TTC27: variants seen among roughly 807,000 people sequenced by gnomAD.
TTC27 encodes tetratricopeptide repeat protein 27.
A neutral mutation model predicts 115.9 loss-of-function variants in TTC27; 79 were observed. The ratio of observed to expected loss-of-function variants is 0.68; its 90% CI spans 0.57 to 0.82. The LOEUF (loss-of-function observed/expected upper bound fraction) is 0.82. TTC27 is among the 40% of genes least tolerant of loss of function. The pLI is 0.00. For missense variants in TTC27, 1,054 were observed against 993.1 expected (o/e 1.06, Z -0.82); for synonymous variants, 401 against 356.0 (o/e 1.13, Z -1.42).
intron 13 of TTC27, among the ~76,000 whole-genome samples, chr2:32,765,520 G>A (rs957709077): frequency 1.3e-5 from 2 of 152,168 alleles, no homozygotes; most frequent in Non-Finnish European, 2.9e-5. Context: ...GGATTTTCGG[G>A]TGGTGAATGA....
chr2:32,684,163 G>GA (rs562783948), intron 9 of TTC27, among the ~76,000 whole-genome samples: 1 of 151,992 alleles, frequency 6.6e-6, no homozygotes, highest in Non-Finnish European at 1.5e-5. Flanking sequence ...GACTCGGGGG[G>GA]AAAAAAGTTT....
At chr2:32,788,465 C>T (rs1384452590) in intron 16 of TTC27, among the ~76,000 whole-genome samples, 2 of 152,190 alleles carry the variant, frequency 1.3e-5, no homozygotes, top group Non-Finnish European at 2.9e-5. Flanking sequence ...GTCTGCTTTT[C>T]TATCCTCTTG....
chr2:32,815,050 C>T (rs1671452710), intron 18 of TTC27, among the ~76,000 whole-genome samples: 2 of 152,006 alleles, frequency 1.3e-5, no homozygotes, highest in Admixed American at 1.3e-4. Context: ...ACAATGTCAT[C>T]ATTGTGTGCT....
chr2:32,671,002 C>G (rs1185212426), intron 7 of TTC27, among the ~76,000 whole-genome samples: 1 of 152,144 alleles, frequency 6.6e-6, no homozygotes, highest in Non-Finnish European at 1.5e-5. Context: ...AGTCCCTTTT[C>G]AGATATATGT....
rs760714545 is a variant in TTC27 at position 32,810,983 on chromosome 2, G to A, written c.1999-41G>A. ...TAGCTCTTTGTTTTTGTTATTGTTT[G>A]TTGGTTTCTAACTTACCAGTTTGTT... On this transcript the variant is annotated intron_variant, in intron 16 of 19. Coordinates refer to ENST00000317907, the MANE Select transcript of TTC27 (RefSeq NM_017735.5). The A allele has an allele frequency of 3.8e-6, 6 of 1,597,524 alleles. No homozygotes were observed. In the Admixed American group the frequency reaches 1.0e-4, roughly 27 times the overall value.
intron 8 of TTC27, among the ~76,000 whole-genome samples, chr2:32,676,110 T>G (rs1418159087): frequency 1.3e-5 from 2 of 152,032 alleles, no homozygotes; most frequent in African/African-American, 2.4e-5. Context: ...TGAATTCTTA[T>G]ACATTGTAGA....
chr2:32,658,923 A>T (rs1284784802), intron 5 of TTC27, among the ~76,000 whole-genome samples: 1 of 152,102 alleles, frequency 6.6e-6, no homozygotes, highest in Non-Finnish European at 1.5e-5. Flanking sequence ...TCCTTATTTG[A>T]TGTTCATATT....
chr2:32,739,443 A>T (rs1199652374), intron 12 of TTC27, among the ~76,000 whole-genome samples: 5 of 152,272 alleles, frequency 3.3e-5, no homozygotes, highest in East Asian at 3.9e-4. Context: ...CAGAGAAGGG[A>T]TTTGACTGTC....
intron 13 of TTC27, among the ~76,000 whole-genome samples, chr2:32,767,850 C>G (rs924917748): frequency 6.6e-6 from 1 of 152,092 alleles, no homozygotes; most frequent in Non-Finnish European, 1.5e-5. Flanking sequence ...CATCAGTATA[C>G]TTCAAAATAA....
At chr2:32,778,420 A>G (rs1670069455) in intron 14 of TTC27, among the ~76,000 whole-genome samples, 1 of 152,188 alleles carries the variant, frequency 6.6e-6, no homozygotes, top group Admixed American at 6.5e-5. Flanking sequence ...GCAACCGTCC[A>G]CTACAATTAG....
chr2:32,798,711 A>AAAAAAAT (rs1258273135), intron 16 of TTC27, among the ~76,000 whole-genome samples: 1 of 129,084 alleles, frequency 7.7e-6, no homozygotes, highest in African/African-American at 2.9e-5. Context: ...GCTCAAAAAA[A>AAAAAAAT]AAAATAATAA....
intron 16 of TTC27, among the ~76,000 whole-genome samples, chr2:32,805,116 C>G (rs542276891): frequency 6.6e-6 from 1 of 152,194 alleles, no homozygotes; most frequent in Non-Finnish European, 1.5e-5. Flanking sequence ...AGGACTCAGA[C>G]TGAATTCAGA....
intron 5 of TTC27, among the ~76,000 whole-genome samples, chr2:32,663,276 G>C (rs908981797): frequency 1.5e-4 from 23 of 152,156 alleles, no homozygotes; most frequent in African/African-American, 5.6e-4. Flanking sequence ...GCCCAGTTTT[G>C]TGCTTGAAAC....
At chr2:32,666,868 T>A in intron 7 of TTC27, 100 bp downstream of exon 7, 1 of 1,330,858 alleles carries the variant, frequency 7.5e-7, no homozygotes, top group Non-Finnish European at 1.0e-6. Flanking sequence ...GGGACAGACT[T>A]CATTTTATTC....
rs1044915691 is a variant in TTC27, at chr2:32,669,348, G to A, written c.939+2580G>A. 1.9e-4 allele frequency among the ~76,000 whole-genome samples: 29 copies of A among 152,162 alleles called. 1 individual carries two copies. Among genetic ancestry groups the A allele is most frequent in the African/African-American group, 6.5e-4 (27 of 41,426 alleles). ...ACATTCAGATAATCTTATGGTCTTT[G>A]TTAATTACTACTTGAAGATGGAGAG... On this transcript the variant is annotated intron_variant, in intron 7 of 19. Coordinates refer to ENST00000317907, the MANE Select transcript of TTC27 (RefSeq NM_017735.5).
At chr2:32,671,972 A>G in intron 7 of TTC27, among the ~76,000 whole-genome samples, 1 of 152,206 alleles carries the variant, frequency 6.6e-6, no homozygotes, top group East Asian at 1.9e-4. Flanking sequence ...TGTGAGGAAG[A>G]ATTTGAAAAA....
intron 16 of TTC27, among the ~76,000 whole-genome samples, chr2:32,810,574 G>A (rs1671285928): frequency 6.6e-6 from 1 of 152,178 alleles, no homozygotes; most frequent in East Asian, 1.9e-4. Context: ...GTTTCACTTT[G>A]GATAGATGGA....
intron 4 of TTC27, among the ~76,000 whole-genome samples, chr2:32,648,152 A>C (rs752588765): frequency 7.3e-5 from 11 of 151,654 alleles, no homozygotes; most frequent in Non-Finnish European, 1.6e-4. Context: ...TTTGAGACGG[A>C]GTTTCACTCT....
intron 8 of TTC27, among the ~76,000 whole-genome samples, chr2:32,677,387 C>G (rs1324518123): frequency 2.6e-5 from 4 of 151,930 alleles, no homozygotes; most frequent in Non-Finnish European, 5.9e-5. Context: ...TCTGGTCTCT[C>G]TATCTAGGAT....
Sources: allele counts gnomAD v4.1 joint callset (sites outside exome capture counted in the v4.1 genomes callset), GRCh38; gene constraint gnomAD v4.1.1; transcripts MANE v1.5; gene names NCBI Gene and HGNC (gene_info 2026-07-23, HGNC 2026-07-21).